GOLGA1: variants seen among roughly 807,000 people sequenced by gnomAD.
GOLGA1 encodes the protein golgin subfamily A member 1.
A neutral mutation model predicts 119.7 loss-of-function variants in GOLGA1; 63 were observed. The ratio of observed to expected loss-of-function variants is 0.53; its 90% CI spans 0.43 to 0.65. GOLGA1 has a LOEUF of 0.65. GOLGA1 is among the 30% of genes least tolerant of loss of function. The pLI, the probability that GOLGA1 is intolerant of heterozygous loss-of-function variation, is 0.00. For synonymous variants in GOLGA1, 318 were observed against 333.4 expected, an observed-to-expected ratio of 0.95 and a Z score of 0.50; for missense variants, 798 against 912.8, an observed-to-expected ratio of 0.87 and a Z score of 1.62.
At chr9:124,934,912 C>T (rs973695393) in intron 3 of GOLGA1, among the ~76,000 whole-genome samples, 3 of 151,982 alleles carry the variant, frequency 2.0e-5, no homozygotes, top group Non-Finnish European at 2.9e-5. Context: ...CTGGGTGTGG[C>T]GGCACGTGCC....
intron 10 of GOLGA1, among the ~76,000 whole-genome samples, chr9:124,916,684 G>A (rs1422472482): frequency 6.6e-6 from 1 of 151,708 alleles, no homozygotes; most frequent in Non-Finnish European, 1.5e-5. Context: ...AACTAGCCTG[G>A]GCAACATAGT....
chr9:124,908,846 T>C (rs1186579957), intron 11 of GOLGA1, among the ~76,000 whole-genome samples: 1 of 152,202 alleles, frequency 6.6e-6, no homozygotes, highest in East Asian at 1.9e-4. Context: ...AACGGCTATG[T>C]GAACAGCCTG....
rs965210491 is a variant in GOLGA1, at chr9:124,929,661, C to A, written c.227-371G>T. Among the ~76,000 whole-genome samples, 15 of 152,236 alleles carry A rather than the reference C, an allele frequency of 9.9e-5. No individual in the cohort carries two copies. The East Asian group carries it at 2.1e-3, about 22-fold the overall frequency. On this transcript the variant is annotated intron_variant, in intron 4 of 22. Coordinates refer to ENST00000373555, the MANE Select transcript of GOLGA1 (RefSeq NM_002077.4). ...TTCCGGTCTTAGCAGTAGGATAGAT[C>A]AAAGTGAACTCACTAAACAGCTCGC...
chr9:124,933,451 C>T (rs1416289002), intron 3 of GOLGA1, among the ~76,000 whole-genome samples: 2 of 152,050 alleles, frequency 1.3e-5, no homozygotes, highest in Admixed American at 6.5e-5. Context: ...GACAGAGTCT[C>T]GCTCTGTCAC....
At chr9:124,947,790 A>C (rs999407501) in intron 1 of GOLGA1, 12 of 152,214 alleles carry the variant, frequency 7.9e-5, no homozygotes, top group Non-Finnish European at 1.8e-4. Flanking sequence ...CCAAACACAC[A>C]CAGGAACATA....
chr9:124,941,721 C>A (rs1831031060), upstream of GOLGA1, among the ~76,000 whole-genome samples: 1 of 152,208 alleles, frequency 6.6e-6, no homozygotes, highest in Admixed American at 6.5e-5. Flanking sequence ...ACGCTGGTGG[C>A]AGCTCACTAT....
chr9:124,924,103 A>G (rs1588090299), intron 7 of GOLGA1, among the ~76,000 whole-genome samples: 1 of 151,956 alleles, frequency 6.6e-6, no homozygotes, highest in South Asian at 2.1e-4. Context: ...TGATCCACCC[A>G]CCTCTGCTTC....
intron 15 of GOLGA1, among the ~76,000 whole-genome samples, chr9:124,897,671 G>A (rs183486762): frequency 6.6e-6 from 1 of 152,228 alleles, no homozygotes; most frequent in East Asian, 1.9e-4. Context: ...AGCACTTACA[G>A]TGATGCCTGG....
intron 16 of GOLGA1, 121 bp downstream of exon 16, chr9:124,890,268 T>G (rs1375402076): frequency 1.4e-6 from 1 of 698,768 alleles, no homozygotes; most frequent in Non-Finnish European, 2.5e-6. Context: ...ATTCCCTGAG[T>G]CCTGAGTCTA....
At chr9:124,922,595 A>T (rs543474606) in intron 8 of GOLGA1, among the ~76,000 whole-genome samples, 1 of 151,840 alleles carries the variant, frequency 6.6e-6, no homozygotes, top group East Asian at 1.9e-4. Flanking sequence ...GAAAAAAAAA[A>T]ATCTAAGCTT....
chr9:124,945,337 C>T (rs1315425209), upstream of GOLGA1: 3 of 152,068 alleles, frequency 2.0e-5, no homozygotes, highest in South Asian at 2.1e-4. Flanking sequence ...GGGTGGATCA[C>T]TTGAGGTCAG....
chr9:124,912,401 G>A (rs1830358569), intron 10 of GOLGA1, among the ~76,000 whole-genome samples: 2 of 152,140 alleles, frequency 1.3e-5, no homozygotes, highest in African/African-American at 2.4e-5. Flanking sequence ...CAGTAACAGT[G>A]CTGATGTAGT....
At chr9:124,894,577 A>T (rs1829922583) in intron 15 of GOLGA1, among the ~76,000 whole-genome samples, 1 of 152,170 alleles carries the variant, frequency 6.6e-6, no homozygotes, top group Admixed American at 6.6e-5. Context: ...CAGACTTGTC[A>T]GCCTACAGAC....
chr9:124,939,568 T>TTTTTTTTTTTTTTTTTTTG, intron 2 of GOLGA1, among the ~76,000 whole-genome samples: 1 of 135,016 alleles, frequency 7.4e-6, no homozygotes, highest in Non-Finnish European at 1.6e-5. Context: ...TTTTTTTTTT[T>TTTTTTTTTTTTTTTTTTTG]TTTTTTTTTT....
intron 19 of GOLGA1, chr9:124,887,602 A>AAC (rs758283745): frequency 5.3e-5 from 8 of 152,042 alleles, no homozygotes; most frequent in Non-Finnish European, 7.4e-5. Flanking sequence ...AAAAGATCTA[A>AAC]ACACACACAC....
chr9:124,925,359 ATT>A (rs11357664), intron 7 of GOLGA1, among the ~76,000 whole-genome samples: 5,289 of 141,880 alleles, frequency 0.037, 250 homozygotes, highest in East Asian at 0.24. Flanking sequence ...ATGGTTGAGG[ATT>A]TTTTTTTTTT....
intron 4 of GOLGA1, 72 bp downstream of exon 4, chr9:124,931,244 G>T: frequency 1.3e-6 from 1 of 775,056 alleles, no homozygotes; most frequent in South Asian, 1.4e-5. Context: ...ATCCTATATG[G>T]CTATTTTATA....
intron 11 of GOLGA1, 129 bp downstream of exon 11, chr9:124,911,772 G>A: frequency 1.3e-6 from 1 of 784,738 alleles, no homozygotes; most frequent in Non-Finnish European, 2.1e-6. Flanking sequence ...ACAAGCCAAA[G>A]TTGGAGACAC....
At chr9:124,911,316 G>C (rs1247069333) in intron 11 of GOLGA1, among the ~76,000 whole-genome samples, 2 of 152,234 alleles carry the variant, frequency 1.3e-5, no homozygotes, top group Non-Finnish European at 2.9e-5. Context: ...AAGAAAGAAA[G>C]GGAGGGTCTA....
Sources: allele counts gnomAD v4.1 joint callset (sites outside exome capture counted in the v4.1 genomes callset), GRCh38; gene constraint gnomAD v4.1.1; transcripts MANE v1.5; gene names NCBI Gene and HGNC (gene_info 2026-07-23, HGNC 2026-07-21).